The following SKAP1 variants were observed in gnomAD, a reference collection of about 807,000 sequenced individuals.
SKAP1 encodes the protein src kinase associated phosphoprotein 1.
A neutral mutation model predicts 58.5 loss-of-function variants in SKAP1; 44 were observed. The ratio of observed to expected loss-of-function variants is 0.75; its 90% CI spans 0.59 to 0.97. The LOEUF is 0.97. SKAP1 is among the 50% of genes least tolerant of loss of function. The probability of loss-of-function intolerance (pLI) is 0.00; values close to 1 mark genes in which losing one functional copy is unlikely to be tolerated. For missense variants in SKAP1, 390 were observed against 435.2 expected (o/e 0.90, Z 0.92); for synonymous variants, 127 against 149.7 (o/e 0.85, Z 1.11).
chr17:48,241,125 G>A (rs1471121285), intron 4 of SKAP1, among the ~76,000 whole-genome samples: 1 of 151,944 alleles, frequency 6.6e-6, no homozygotes, highest in Non-Finnish European at 1.5e-5. Context: ...GATCATAAGG[G>A]ACCTTGTTTC....
intron 4 of SKAP1, among the ~76,000 whole-genome samples, chr17:48,228,891 A>T (rs1305560024): frequency 6.6e-6 from 1 of 152,184 alleles, no homozygotes. Flanking sequence ...TTCCTAATAG[A>T]ACCCTGTGGT....
At chr17:48,381,600 C>G (rs1303379960) in intron 2 of SKAP1, among the ~76,000 whole-genome samples, 1 of 152,106 alleles carries the variant, frequency 6.6e-6, no homozygotes, top group Non-Finnish European at 1.5e-5. Flanking sequence ...AAAATATGGC[C>G]TCTTCTAAAA....
At chr17:48,151,408 A>C (rs986227175) in intron 11 of SKAP1, among the ~76,000 whole-genome samples, 1 of 152,204 alleles carries the variant, frequency 6.6e-6, no homozygotes, top group Non-Finnish European at 1.5e-5. Context: ...ATGTTTGTTC[A>C]TTTACAGATG....
chr17:48,336,679 C>T (rs1375519520), intron 4 of SKAP1, among the ~76,000 whole-genome samples: 4 of 115,146 alleles, frequency 3.5e-5, no homozygotes, highest in East Asian at 4.2e-4. Context: ...GGACCCAAAG[C>T]GTAATCACTA....
In SKAP1 at chr17:48,427,483, G is replaced by A. The variant is rs1454322373; in HGVS notation, c.46+2592C>T. ...TTCAGTGACAGATTTTTAGAAGTGAGGTTTCTAGGTCGAGTGAAACATTTC... is the reference window on the plus strand; with the variant it reads ...TTCAGTGACAGATTTTTAGAAGTGAAGTTTCTAGGTCGAGTGAAACATTTC... On this transcript the variant is annotated intron_variant, in intron 1 of 12. Coordinates refer to ENST00000336915, the MANE Select transcript of SKAP1 (RefSeq NM_003726.4). 2.0e-5 allele frequency among the ~76,000 whole-genome samples: 3 copies of A among 151,860 alleles called. No homozygotes were observed. The East Asian group carries it at 5.8e-4, about 29-fold the overall frequency.
chr17:48,305,287 T>G (rs1219945774), intron 4 of SKAP1, among the ~76,000 whole-genome samples: 2 of 152,124 alleles, frequency 1.3e-5, no homozygotes, highest in Admixed American at 1.3e-4. Flanking sequence ...TGTACTCAAG[T>G]GATCCTCCCA....
intron 1 of SKAP1, among the ~76,000 whole-genome samples, chr17:48,428,908 T>G (rs1368937008): frequency 6.6e-6 from 1 of 152,162 alleles, no homozygotes; most frequent in Non-Finnish European, 1.5e-5. Flanking sequence ...TTTGGAAACC[T>G]CACCTCAAAA....
At chr17:48,157,874 A>AT (rs982672920) in intron 11 of SKAP1, among the ~76,000 whole-genome samples, 59 of 144,162 alleles carry the variant, frequency 4.1e-4, no homozygotes, top group South Asian at 2.7e-3. Context: ...TCTCTGGATA[A>AT]TTTTTTTTTT....
At chr17:48,358,512 C>G (rs1479657012) in intron 3 of SKAP1, among the ~76,000 whole-genome samples, 1 of 152,104 alleles carries the variant, frequency 6.6e-6, no homozygotes, top group Non-Finnish European at 1.5e-5. Flanking sequence ...CACCATATAG[C>G]AAAAAGCTTG....
At chr17:48,226,057 T>C (rs1207819145) in intron 4 of SKAP1, among the ~76,000 whole-genome samples, 2 of 152,250 alleles carry the variant, frequency 1.3e-5, no homozygotes, top group East Asian at 3.9e-4. Flanking sequence ...CAGAGGAACA[T>C]AGACCATCCA....
rs562370536 is a variant in SKAP1, at chr17:48,262,785, A to G, written c.281-73285T>C. ...TAATTATTCAGCTTGTAGATTTTCC[A>G]TGCTTTCCTGTCCCTCCTCCTTGGT... On this transcript the variant is annotated intron_variant, in intron 4 of 12. Coordinates refer to ENST00000336915, the MANE Select transcript of SKAP1 (RefSeq NM_003726.4). Among the ~76,000 whole-genome samples, 7 of 152,276 alleles carry G rather than the reference A, an allele frequency of 4.6e-5. No homozygotes were observed. In the South Asian group the frequency reaches 1.5e-3, roughly 32 times the overall value.
At chr17:48,414,228 G>A (rs2067704615) in intron 1 of SKAP1, among the ~76,000 whole-genome samples, 1 of 152,144 alleles carries the variant, frequency 6.6e-6, no homozygotes, top group Non-Finnish European at 1.5e-5. Flanking sequence ...AGTCTCGAGG[G>A]GAAGGTAAAT....
intron 4 of SKAP1, among the ~76,000 whole-genome samples, chr17:48,217,231 G>A (rs971993249): frequency 1.5e-4 from 23 of 151,904 alleles, no homozygotes; most frequent in African/African-American, 5.3e-4. Context: ...ACAATCAATA[G>A]AAAGCAAGCA....
chr17:48,204,906 C>G (rs1256397723), intron 4 of SKAP1, among the ~76,000 whole-genome samples: 3 of 152,048 alleles, frequency 2.0e-5, no homozygotes, highest in Non-Finnish European at 4.4e-5. Context: ...GGTAGAAATA[C>G]TTGTCAAGGA....
chr17:48,308,859 A>G (rs1401319216), intron 4 of SKAP1: 9 of 152,210 alleles, frequency 5.9e-5, no homozygotes, highest in Non-Finnish European at 1.3e-4. Flanking sequence ...TCCTTGTTAC[A>G]TAATAAAAGC....
At chr17:48,215,454 G>A (rs2064926900) in intron 4 of SKAP1, among the ~76,000 whole-genome samples, 1 of 152,184 alleles carries the variant, frequency 6.6e-6, no homozygotes. Context: ...CAGGGTGCAA[G>A]CCACAACATA....
chr17:48,138,198 TG>T (rs2144566406), intron 11 of SKAP1, among the ~76,000 whole-genome samples: 1 of 151,884 alleles, frequency 6.6e-6, no homozygotes, highest in African/African-American at 2.4e-5. Flanking sequence ...TTGAAGAGTA[TG>T]GGGCTATTTC....
intron 4 of SKAP1, among the ~76,000 whole-genome samples, chr17:48,242,305 G>A (rs1036863596): frequency 2.0e-5 from 3 of 152,184 alleles, no homozygotes; most frequent in East Asian, 1.9e-4. Context: ...TGTTTTCAGG[G>A]TATAATTCTG....
intron 4 of SKAP1, among the ~76,000 whole-genome samples, chr17:48,229,932 G>C (rs2065109227): frequency 6.6e-6 from 1 of 152,156 alleles, no homozygotes; most frequent in Non-Finnish European, 1.5e-5. Context: ...AATGAGTCTT[G>C]GGCTTGGTCC....
Sources: gnomAD v4.1 joint callset for allele counts (sites outside exome capture counted in the v4.1 genomes callset) on GRCh38, gnomAD v4.1.1 for gene constraint, MANE v1.5 for transcripts, NCBI Gene and HGNC (gene_info 2026-07-23, HGNC 2026-07-21) for gene names.